Variants in TAF4B observed in about 807,000 individuals in gnomAD.
The protein encoded by TAF4B is transcription initiation factor TFIID subunit 4B.
In TAF4B, 38 loss-of-function variants were observed where a neutral mutation model predicts 86.4. The observed-to-expected ratio is 0.44, with a 90% confidence interval of 0.34 to 0.58. The LOEUF (loss-of-function observed/expected upper bound fraction) is 0.58. TAF4B is among the 20% of genes least tolerant of loss of function. The pLI is 0.02. For synonymous variants in TAF4B, 388 were observed against 391.2 expected (o/e 0.99, Z 0.10); for missense variants, 988 against 1,027.6 (o/e 0.96, Z 0.53).
chr18:26,262,276 A>T (rs377190722), intron 1 of TAF4B, among the ~76,000 whole-genome samples: 32 of 151,840 alleles, frequency 2.1e-4, no homozygotes, highest in African/African-American at 7.5e-4. Flanking sequence ...ATAGCCTTAG[A>T]TTGGGAGGTT....
intron 9 of TAF4B, among the ~76,000 whole-genome samples, chr18:26,304,465 T>TA (rs1271067060): frequency 6.6e-6 from 1 of 152,172 alleles, no homozygotes; most frequent in Admixed American, 6.6e-5. Flanking sequence ...CTTTTAGAAG[T>TA]AAAAAATGTA....
At chr18:26,376,679 G>A (rs1343412173) in intron 14 of TAF4B, among the ~76,000 whole-genome samples, 1 of 151,864 alleles carries the variant, frequency 6.6e-6, no homozygotes, top group Non-Finnish European at 1.5e-5. Flanking sequence ...TCATTTTCTT[G>A]CCTAATTGTC....
At chr18:26,254,057 C>G (rs2056045772) in intron 1 of TAF4B, among the ~76,000 whole-genome samples, 1 of 152,060 alleles carries the variant, frequency 6.6e-6, no homozygotes, top group African/African-American at 2.4e-5. Context: ...TCCTGAGTAG[C>G]TGGGACTACA....
At chr18:26,282,372 A>G (rs1465126561) in intron 6 of TAF4B, among the ~76,000 whole-genome samples, 1 of 152,242 alleles carries the variant, frequency 6.6e-6, no homozygotes, top group South Asian at 2.1e-4. Flanking sequence ...TAAGAAAGCT[A>G]ATATCACAAT....
Position 26,315,157 on chromosome 18 carries a change from TCTCTCACA to T in TAF4B, c.1833-70_1833-63del, listed in dbSNP as rs1568148119. On this transcript the variant is annotated intron_variant, in intron 9 of 14. Coordinates refer to ENST00000269142, the MANE Select transcript of TAF4B (RefSeq NM_005640.3). ...CTCTCTCTCTCTCTGTCTCTCTCTC[TCTCTCACA>T]CACACACACACACACACACACACAC... is the stretch of plus-strand genomic sequence containing the variant. The T allele has an allele frequency of 6.4e-4, 285 of 446,162 alleles. 1 individual carries two copies. Among genetic ancestry groups the T allele is most frequent in the East Asian group, 8.8e-4 (17 of 19,266 alleles). The allele number at this position is 446,162 out of a possible 1,614,324, so 27.6% of individuals were successfully genotyped here. A position where few individuals can be genotyped will look rare whatever the true frequency, so the allele number is the denominator to read the frequency against.
chr18:26,359,283 T>C (rs560366977), intron 14 of TAF4B, among the ~76,000 whole-genome samples: 1 of 152,212 alleles, frequency 6.6e-6, no homozygotes, highest in African/African-American at 2.4e-5. Context: ...TTAGGTTGTT[T>C]CCAGGTTTTT....
At position 26,274,916 on chromosome 18, in the gene TAF4B, C is replaced by T. The variant is rs756137448; in HGVS notation, c.760-15C>T. 1 of 1,612,086 alleles carries T rather than the reference C, an allele frequency of 6.2e-7. No individual in the cohort carries two copies. Among genetic ancestry groups the T allele is most frequent in the Admixed American group, 1.7e-5 (1 of 59,498 alleles). On this transcript the variant is annotated splice_polypyrimidine_tract_variant and intron_variant, in intron 4 of 14. Transcript: ENST00000269142. ...TAACACTTGTGTTTGCTTATATTTA[C>T]ATTTTCATATTTAGACAATGCTAGA...
intron 1 of TAF4B, among the ~76,000 whole-genome samples, chr18:26,253,192 A>C (rs1053725047): frequency 3.3e-5 from 5 of 152,200 alleles, no homozygotes; most frequent in African/African-American, 1.2e-4. Flanking sequence ...ACTTTCACCA[A>C]AAGTATGATG....
intron 1 of TAF4B, among the ~76,000 whole-genome samples, chr18:26,260,210 A>T (rs1392981280): frequency 2.0e-5 from 3 of 151,810 alleles, no homozygotes; most frequent in African/African-American, 7.3e-5. Flanking sequence ...GATTGCAAAA[A>T]TTTTCTCCCA....
chr18:26,300,235 C>T (rs950444173), intron 9 of TAF4B, among the ~76,000 whole-genome samples: 2 of 151,766 alleles, frequency 1.3e-5, no homozygotes, highest in African/African-American at 4.8e-5. Flanking sequence ...GCAGTCCTCC[C>T]ATCTTGGCCT....
intron 9 of TAF4B, among the ~76,000 whole-genome samples, chr18:26,304,140 A>C (rs995466649): frequency 1.8e-4 from 27 of 150,298 alleles, no homozygotes; most frequent in African/African-American, 5.8e-4. Context: ...GACAATGTCA[A>C]GATTGAGATT....
chr18:26,311,421 G>C (rs1483334883), intron 9 of TAF4B, among the ~76,000 whole-genome samples: 1 of 152,118 alleles, frequency 6.6e-6, no homozygotes, highest in Non-Finnish European at 1.5e-5. Flanking sequence ...GATCACCTGA[G>C]GTTAGGAGTT....
intron 1 of TAF4B, among the ~76,000 whole-genome samples, chr18:26,234,989 C>G (rs1224076243): frequency 6.6e-6 from 1 of 152,158 alleles, no homozygotes; most frequent in Non-Finnish European, 1.5e-5. Context: ...ACAGTGAGGC[C>G]AGTCTTTTAC....
intron 14 of TAF4B, among the ~76,000 whole-genome samples, chr18:26,389,492 TAAAC>T (rs1978577374): frequency 6.6e-6 from 1 of 152,226 alleles, no homozygotes; most frequent in African/African-American, 2.4e-5. Context: ...ATCAAAGTGA[TAAAC>T]AAGTCTTTCA....
chr18:26,343,226 T>C (rs2057150072), intron 13 of TAF4B, among the ~76,000 whole-genome samples: 1 of 152,060 alleles, frequency 6.6e-6, no homozygotes, highest in Non-Finnish European at 1.5e-5. Flanking sequence ...GTGGGCTAAA[T>C]CCCCAGCTTT....
At chr18:26,307,926 G>A (rs566082834) in intron 9 of TAF4B, among the ~76,000 whole-genome samples, 4 of 152,118 alleles carry the variant, frequency 2.6e-5, no homozygotes, top group South Asian at 2.1e-4. Flanking sequence ...CCTGACCAAC[G>A]TGGCGAAACT....
chr18:26,250,025 T>G (rs1056501499), intron 1 of TAF4B, among the ~76,000 whole-genome samples: 2 of 151,880 alleles, frequency 1.3e-5, no homozygotes, highest in East Asian at 1.9e-4. Context: ...AGCCGTCCAG[T>G]TTTTGTTGTT....
intron 7 of TAF4B, among the ~76,000 whole-genome samples, chr18:26,287,098 A>G (rs1011088823): frequency 1.3e-5 from 2 of 152,222 alleles, no homozygotes; most frequent in African/African-American, 4.8e-5. Context: ...CATAACCACA[A>G]CATACCTGTT....
intron 12 of TAF4B, among the ~76,000 whole-genome samples, chr18:26,329,086 T>C (rs2057030849): frequency 6.6e-6 from 1 of 151,868 alleles, no homozygotes; most frequent in Admixed American, 6.6e-5. Flanking sequence ...TGAGACAGAG[T>C]TTCACTCTGT....
Sources: gnomAD v4.1 joint callset for allele counts (sites outside exome capture counted in the v4.1 genomes callset) on GRCh38, gnomAD v4.1.1 for gene constraint, MANE v1.5 for transcripts, NCBI Gene and HGNC (gene_info 2026-07-23, HGNC 2026-07-21) for gene names.